Variants in CLCN5 observed in about 807,000 individuals in gnomAD.
The protein encoded by CLCN5 is Cl-/H+ antiporter 5, also known as H(+)/Cl(-) exchange transporter 5.
A neutral mutation model predicts 54.0 loss-of-function variants in CLCN5; 17 were observed. The observed-to-expected ratio is 0.31, with a 90% CI of 0.22 to 0.47. CLCN5 has a LOEUF of 0.47. Ranked by LOEUF, CLCN5 falls within the 20% of genes least tolerant of loss-of-function variation. CLCN5 has a pLI of 1.00. For synonymous variants in CLCN5, 222 were observed against 233.0 expected (o/e 0.95, Z 0.43); for missense variants, 448 against 646.7 (o/e 0.69, Z 3.33).
In CLCN5 at chrX:50,086,758, G is replaced by T; in HGVS notation, c.1445G>T (p.Gly482Val). ...DYENRFNTSK[G>V]GELPDRPAGV... Reference sequence around the variant, plus strand: ...GAGAACCGTTTCAACACAAGCAAAGGGGGTGAACTGCCTGACAGACCGGCT... The same window carrying T: ...GAGAACCGTTTCAACACAAGCAAAGTGGGTGAACTGCCTGACAGACCGGCT... The change falls in exon 11 of 15, where the codon GGG becomes GTG. Residue 482 changes from glycine (G) to valine (V), a missense_variant. Physicochemically the swap from Gly to Val is moderately radical, Grantham distance 109. Transcript: ENST00000376091. 3.3e-6 allele frequency: 4 copies of T among 1,211,304 alleles called. No homozygotes were observed. The South Asian group carries it at 7.0e-5, about 21-fold the overall frequency.
intron 4 of CLCN5, among the ~76,000 whole-genome samples, chrX:50,048,462 C>T (rs1429083969): frequency 8.9e-6 from 1 of 112,862 alleles, no homozygotes; most frequent in Non-Finnish European, 1.9e-5. Flanking sequence ...AATTGTTTTA[C>T]ATGGGAGATT....
chrX:49,928,089 A>G (rs1413869741), intron 3 of CLCN5, among the ~76,000 whole-genome samples: 3 of 112,197 alleles, frequency 2.7e-5, no homozygotes, highest in Non-Finnish European at 5.6e-5. Context: ...TTAGTATTCA[A>G]TAGTACAGTA....
chrX:49,979,709 C>T (rs930361159), intron 3 of CLCN5, among the ~76,000 whole-genome samples: 8 of 110,815 alleles, frequency 7.2e-5, no homozygotes, highest in African/African-American at 1.3e-4. Flanking sequence ...TATGGAATGG[C>T]TAAATCAAGC....
chrX:50,025,334 G>A (rs1192653297), intron 3 of CLCN5, among the ~76,000 whole-genome samples: 24 of 79,082 alleles, frequency 3.0e-4, no homozygotes, highest in Non-Finnish European at 5.8e-4. Flanking sequence ...GCCCTGCTTC[G>A]GCTCGCGCAC....
chrX:50,080,760 C>T (rs1282987205), intron 8 of CLCN5, 44 bp downstream of exon 8: 1 of 1,089,871 alleles, frequency 9.2e-7, no homozygotes, highest in Admixed American at 2.2e-5. Context: ...AATATGAATA[C>T]TTTTTGGTTA....
At chrX:50,086,899 T>A in intron 11 of CLCN5, 29 bp downstream of exon 11, 1 of 1,181,867 alleles carries the variant, frequency 8.5e-7, no homozygotes, top group Non-Finnish European at 1.2e-6. Context: ...ACTCAGTGGC[T>A]GCATGCGTAG....
At chrX:50,021,284 G>A (rs1257757799) in intron 3 of CLCN5, among the ~76,000 whole-genome samples, 2 of 86,206 alleles carry the variant, frequency 2.3e-5, no homozygotes, top group Admixed American at 1.3e-4. Context: ...TTTGTCTGTT[G>A]TTGGTGTATA....
chrX:50,074,217 A>T (rs1278118301), intron 6 of CLCN5, among the ~76,000 whole-genome samples: 4 of 112,456 alleles, frequency 3.6e-5, no homozygotes, highest in Non-Finnish European at 7.5e-5. Flanking sequence ...CCAACCTAAT[A>T]GATTTCAAGG....
chrX:50,081,864 T>G lies in CLCN5; in HGVS notation c.933+17T>G, dbSNP rs1933716510. On this transcript the variant is annotated intron_variant, in intron 9 of 14. Transcript: ENST00000376091. ...CGCAGAGAGGTAATAATGAATGGCCTTAATAGTCTCTTTTTGGTTGTGAGC... is the reference window on the plus strand; with the variant it reads ...CGCAGAGAGGTAATAATGAATGGCCGTAATAGTCTCTTTTTGGTTGTGAGC... The G allele has an allele frequency of 1.7e-6, 2 of 1,172,009 alleles. No homozygotes were observed. Among genetic ancestry groups the G allele is most frequent in the Non-Finnish European group, 2.3e-6 (2 of 862,866 alleles).
At chrX:50,045,603 T>A (rs1390436697) in intron 4 of CLCN5, among the ~76,000 whole-genome samples, 1 of 112,487 alleles carries the variant, frequency 8.9e-6, no homozygotes, top group Admixed American at 9.4e-5. Context: ...ACTAGAAAAC[T>A]GAAGCAGAAT....
At chrX:49,979,225 A>C (rs782618720) in intron 3 of CLCN5, among the ~76,000 whole-genome samples, 1 of 111,608 alleles carries the variant, frequency 9.0e-6, no homozygotes, top group African/African-American at 3.2e-5. Flanking sequence ...TTTACCAAAA[A>C]AGATGTTTCT....
chrX:50,086,103 A>G (rs782085778), intron 10 of CLCN5, 43 bp downstream of exon 10: 1 of 1,058,794 alleles, frequency 9.4e-7, no homozygotes, highest in Admixed American at 2.2e-5. Context: ...CTTTTGTGTC[A>G]GGAATTTTGT....
chrX:49,986,443 T>C (rs1373267665), intron 3 of CLCN5, among the ~76,000 whole-genome samples: 2 of 112,126 alleles, frequency 1.8e-5, no homozygotes, highest in Non-Finnish European at 3.8e-5. Flanking sequence ...TTAGTAACAA[T>C]TAACATGTTT....
At chrX:50,040,355 G>A (rs991872314) in intron 3 of CLCN5, among the ~76,000 whole-genome samples, 4 of 111,745 alleles carry the variant, frequency 3.6e-5, no homozygotes, top group Non-Finnish European at 7.5e-5. Context: ...TGAGGAAGTT[G>A]TTTTATGGTC....
At chrX:50,052,423 C>T (rs900803157) in intron 4 of CLCN5, among the ~76,000 whole-genome samples, 3 of 111,734 alleles carry the variant, frequency 2.7e-5, no homozygotes, top group Non-Finnish European at 3.8e-5. Context: ...TGATATTATG[C>T]AATGTCGAAT....
chrX:50,079,433 A>G (rs1423102763), intron 7 of CLCN5, among the ~76,000 whole-genome samples: 7 of 111,893 alleles, frequency 6.3e-5, no homozygotes, highest in Non-Finnish European at 1.1e-4. Context: ...TAATATTTCT[A>G]CCAGCAAGCA....
chrX:49,969,076 C>G (rs1356604985), intron 3 of CLCN5, among the ~76,000 whole-genome samples: 1 of 109,833 alleles, frequency 9.1e-6, no homozygotes, highest in East Asian at 2.8e-4. Context: ...ACCTTTCTTT[C>G]TTTCTTTCTT....
chrX:50,070,159 T>C, intron 5 of CLCN5, 129 bp downstream of exon 5: 3 of 593,639 alleles, frequency 5.1e-6, no homozygotes, highest in Non-Finnish European at 2.6e-6. Flanking sequence ...GTTGGCAATA[T>C]AGAGTTTCAT....
chrX:49,988,078 T>C (rs1557178472), intron 3 of CLCN5, among the ~76,000 whole-genome samples: 1 of 111,702 alleles, frequency 9.0e-6, no homozygotes, highest in East Asian at 2.8e-4. Flanking sequence ...GTAGTCTGTC[T>C]TTTCTTGTCA....
Sources: allele counts gnomAD v4.1 joint callset (sites outside exome capture counted in the v4.1 genomes callset), GRCh38; gene constraint gnomAD v4.1.1; transcripts MANE v1.5; gene names NCBI Gene and HGNC (gene_info 2026-07-23, HGNC 2026-07-21).